The following SCN1A variants were observed in gnomAD, a reference collection of about 807,000 sequenced individuals.
SCN1A encodes sodium voltage-gated channel alpha subunit 1.
Under a neutral mutation model 193.7 loss-of-function variants are expected in SCN1A, and 13 were observed. That is an observed-to-expected ratio of 0.07 (90% confidence interval 0.04 to 0.11). The LOEUF (loss-of-function observed/expected upper bound fraction) is 0.11, where lower values mean the gene tolerates loss of function less well. SCN1A is among the 10% of genes least tolerant of loss of function. SCN1A has a pLI of 1.00. For synonymous variants in SCN1A, 781 were observed against 843.6 expected, an observed-to-expected ratio of 0.93 and a Z score of 1.29; for missense variants, 1,432 against 2,451.1, an observed-to-expected ratio of 0.58 and a Z score of 8.78.
intron 19 of SCN1A, among the ~76,000 whole-genome samples, chr2:166,017,866 T>C (rs1693510988): frequency 6.6e-6 from 1 of 152,036 alleles, no homozygotes; most frequent in African/African-American, 2.4e-5. Context: ...GATCCCCACA[T>C]AGTTTTCCAG....
At chr2:166,084,064 G>A (rs60933734) in intron 2 of SCN1A, among the ~76,000 whole-genome samples, 33,848 of 151,906 alleles carry the variant, frequency 0.22, 3,868 homozygotes, top group Middle Eastern at 0.4. Context: ...TGTTTAGCTA[G>A]CAATGAGAGA....
chr2:166,009,551 T>A, intron 23 of SCN1A, 168 bp downstream of exon 23: 1 of 501,048 alleles, frequency 2.0e-6, no homozygotes, highest in Non-Finnish European at 3.5e-6. Flanking sequence ...AGAGGCCTAT[T>A]TCTCTTGCAT....
In SCN1A at chr2:166,022,094, A is replaced by T. The variant is rs192100637; in HGVS notation, c.3430-6367T>A. ...TAAATACATAAATGAAAATTTAAAA[A>T]ATTTTGAAAATGTATTGGAAAACCA... On this transcript the variant is annotated intron_variant, in intron 19 of 28. Transcript: ENST00000674923. 2.1e-3 allele frequency among the ~76,000 whole-genome samples: 315 copies of T among 152,278 alleles called. 1 individual carries two copies. The highest frequency in any genetic ancestry group is 7.0e-3 in the African/African-American group (290 of 41,566).
At chr2:166,068,414 GAAGTC>G in intron 4 of SCN1A, among the ~76,000 whole-genome samples, 1 of 152,294 alleles carries the variant, frequency 6.6e-6, no homozygotes, top group Non-Finnish European at 1.5e-5. Flanking sequence ...GAAAGATTGG[GAAGTC>G]AACTACAGGG....
At chr2:166,098,162 T>G (rs1471142858) in intron 2 of SCN1A, among the ~76,000 whole-genome samples, 3 of 152,158 alleles carry the variant, frequency 2.0e-5, no homozygotes, top group African/African-American at 7.2e-5. Flanking sequence ...TCCAAAAAGC[T>G]AATCCACCAT....
intron 1 of SCN1A, among the ~76,000 whole-genome samples, chr2:166,137,855 A>G (rs1691924572): frequency 6.6e-6 from 1 of 152,198 alleles, no homozygotes; most frequent in Non-Finnish European, 1.5e-5. Context: ...GAAAGTTTGG[A>G]ACTCCCTAGA....
intron 23 of SCN1A, among the ~76,000 whole-genome samples, chr2:166,006,583 A>AT (rs954460133): frequency 6.6e-6 from 1 of 151,318 alleles, no homozygotes; most frequent in Non-Finnish European, 1.5e-5. Flanking sequence ...AAATAAGTGG[A>AT]TTTTTTTATT....
intron 2 of SCN1A, among the ~76,000 whole-genome samples, chr2:166,119,250 G>T (rs980201344): frequency 1.3e-5 from 2 of 152,094 alleles, no homozygotes; most frequent in Admixed American, 6.6e-5. Context: ...TCCTCACACA[G>T]ATTTCTTTCC....
chr2:165,999,806 T>C (rs1328049917), intron 24 of SCN1A, 30 bp from the exon 25 acceptor site: 1 of 1,490,572 alleles, frequency 6.7e-7, no homozygotes, highest in Admixed American at 1.7e-5. Flanking sequence ...TGTTTTACTT[T>C]GGAGTAAAAA....
At chr2:166,003,013 A>T (rs1691153361) in intron 23 of SCN1A, 2 of 273,928 alleles carry the variant, frequency 7.3e-6, no homozygotes, top group African/African-American at 4.4e-5. Flanking sequence ...GAGAAGCATT[A>T]AAAGGTTAAA....
chr2:165,987,946 T>C lies in SCN1A; in HGVS notation c.*3299A>G, dbSNP rs1284719892. On this transcript the variant is annotated 3_prime_UTR_variant, in exon 29 of 29. Coordinates refer to ENST00000674923, the MANE Select transcript of SCN1A (RefSeq NM_001165963.4). Reference sequence around the variant, plus strand: ...TCAGCTACTAATATATCAGAATTAATTGTTGTGTTGCTTTAGGATTGTGAT... The same window carrying C: ...TCAGCTACTAATATATCAGAATTAACTGTTGTGTTGCTTTAGGATTGTGAT... The C allele has an allele frequency of 6.6e-6, 1 of 152,058 alleles. No homozygotes were observed. Among genetic ancestry groups the C allele is most frequent in the Non-Finnish European group, 1.5e-5 (1 of 68,004 alleles). The allele number at this position is 152,058 out of a possible 1,614,324, so 9.4% of individuals were successfully genotyped here.
intron 2 of SCN1A, among the ~76,000 whole-genome samples, chr2:166,082,381 T>A (rs1389958247): frequency 1.3e-5 from 2 of 152,084 alleles, no homozygotes; most frequent in Non-Finnish European, 2.9e-5. Context: ...TTATGAAATA[T>A]TCTTTTAAAG....
At chr2:166,130,000 C>G (rs141577483), upstream of SCN1A, among the ~76,000 whole-genome samples, 14 of 152,262 alleles carry the variant, frequency 9.2e-5, no homozygotes, top group East Asian at 2.7e-3. Context: ...GACTCAGGAC[C>G]AGGTGGACCA....
chr2:166,095,192 T>C (rs370175584), intron 2 of SCN1A, among the ~76,000 whole-genome samples: 188 of 152,288 alleles, frequency 1.2e-3, no homozygotes, highest in African/African-American at 4.0e-3. Flanking sequence ...AGTTATTATG[T>C]CTCTCTTTAG....
intron 3 of SCN1A, among the ~76,000 whole-genome samples, chr2:166,074,473 A>G (rs1684798995): frequency 6.6e-6 from 1 of 152,152 alleles, no homozygotes; most frequent in African/African-American, 2.4e-5. Context: ...ATAGAAACTA[A>G]GTGTTTTTCT....
chr2:166,038,375 T>C (rs1417659946), intron 17 of SCN1A, among the ~76,000 whole-genome samples: 1 of 152,050 alleles, frequency 6.6e-6, no homozygotes, highest in Non-Finnish European at 1.5e-5. Flanking sequence ...TTTTTTTCTT[T>C]TGTCACCCAG....
intron 1 of SCN1A, among the ~76,000 whole-genome samples, chr2:166,139,567 G>T (rs762635983): frequency 6.6e-6 from 1 of 152,160 alleles, no homozygotes; most frequent in Non-Finnish European, 1.5e-5. Flanking sequence ...GGAACTATGA[G>T]TTCAAGAAAC....
chr2:166,023,398 G>A (rs545772561), intron 19 of SCN1A, among the ~76,000 whole-genome samples: 1 of 152,322 alleles, frequency 6.6e-6, no homozygotes, highest in East Asian at 1.9e-4. Context: ...ACCCAGACCT[G>A]GTTTGACCTC....
intron 4 of SCN1A, 37 bp downstream of exon 4, chr2:166,073,321 A>G: frequency 6.2e-7 from 1 of 1,612,156 alleles, no homozygotes; most frequent in Non-Finnish European, 8.5e-7. Flanking sequence ...TGCAGTAGGC[A>G]ATTAGCAGCA....
Sources: gnomAD v4.1 joint callset for allele counts (sites outside exome capture counted in the v4.1 genomes callset) on GRCh38, gnomAD v4.1.1 for gene constraint, MANE v1.5 for transcripts, NCBI Gene and HGNC (gene_info 2026-07-23, HGNC 2026-07-21) for gene names.